Variants in AGBL3 observed in about 807,000 individuals in gnomAD.
AGBL3 encodes cytosolic carboxypeptidase 3.
AGBL3 carries 68 observed loss-of-function variants against 94.5 expected under a neutral mutation model. The ratio of observed to expected loss-of-function variants is 0.72; its 90% confidence interval spans 0.59 to 0.88. The LOEUF is 0.88. AGBL3 is among the 40% of genes least tolerant of loss of function. The pLI is 0.00. For missense variants in AGBL3, 934 were observed against 1,103.8 expected, an observed-to-expected ratio of 0.85 and a Z score of 2.18; for synonymous variants, 354 against 370.7, an observed-to-expected ratio of 0.95 and a Z score of 0.52.
chr7:134,987,907 G>A lies in AGBL3; in HGVS notation c.-27G>A. 1 of 1,530,434 alleles carries A rather than the reference G, an allele frequency of 6.5e-7. No individual in the cohort carries two copies. The highest frequency in any genetic ancestry group is 8.8e-7 in the Non-Finnish European group (1 of 1,132,880). The allele number at this position is 1,530,434 out of a possible 1,614,324, so 94.8% of individuals were successfully genotyped here. On this transcript the variant is annotated 5_prime_UTR_variant, in exon 2 of 17. Coordinates refer to ENST00000436302, the MANE Select transcript of AGBL3 (RefSeq NM_178563.4). Reference sequence around the variant, plus strand: ...TTTACAGCCTACCCGTATATTACAAGAAATCTCAAGTCAAACACTGGAAAA... The same window carrying A: ...TTTACAGCCTACCCGTATATTACAAAAAATCTCAAGTCAAACACTGGAAAA...
At chr7:135,006,451 G>A (rs1294439251) in intron 4 of AGBL3, among the ~76,000 whole-genome samples, 2 of 151,858 alleles carry the variant, frequency 1.3e-5, no homozygotes, top group Non-Finnish European at 3.0e-5. Context: ...ACTAGCAGTG[G>A]AAATTTGGAG....
chr7:135,016,148 T>TA (rs1177726721), intron 4 of AGBL3, among the ~76,000 whole-genome samples: 1 of 152,194 alleles, frequency 6.6e-6, no homozygotes, highest in African/African-American at 2.4e-5. Context: ...AATTTTGACT[T>TA]AAGTTGGTTA....
chr7:135,032,489 G>A (rs906361712), intron 5 of AGBL3, among the ~76,000 whole-genome samples: 1 of 92,094 alleles, frequency 1.1e-5, no homozygotes, highest in Non-Finnish European at 2.4e-5. Context: ...TTTTTTTTTT[G>A]TATTTTTAGT....
chr7:134,999,939 C>T (rs1811502456), intron 4 of AGBL3, among the ~76,000 whole-genome samples: 1 of 152,224 alleles, frequency 6.6e-6, no homozygotes, highest in Non-Finnish European at 1.5e-5. Context: ...TAGTAGCTCT[C>T]TTTCAATAGA....
chr7:135,036,926 C>CT (rs143901673), intron 7 of AGBL3, among the ~76,000 whole-genome samples: 28 of 150,818 alleles, frequency 1.9e-4, no homozygotes, highest in East Asian at 1.9e-4. Flanking sequence ...TGCATGCAGA[C>CT]TTTTTTTTTA....
At chr7:135,014,496 A>G (rs1474263972) in intron 4 of AGBL3, among the ~76,000 whole-genome samples, 4 of 152,362 alleles carry the variant, frequency 2.6e-5, no homozygotes, top group Non-Finnish European at 5.9e-5. Flanking sequence ...AGAACAGATA[A>G]CAAGAAGTCT....
intron 4 of AGBL3, among the ~76,000 whole-genome samples, chr7:134,997,895 TCTC>T (rs1811209954): frequency 6.6e-6 from 1 of 152,210 alleles, no homozygotes; most frequent in African/African-American, 2.4e-5. Context: ...AGTATAATTA[TCTC>T]CTATTTTAAT....
chr7:135,047,095 G>C (rs906125170), intron 11 of AGBL3, among the ~76,000 whole-genome samples: 69 of 151,894 alleles, frequency 4.5e-4, no homozygotes, highest in African/African-American at 1.4e-3. Flanking sequence ...ACCACCATTT[G>C]ACTTTTATTT....
chr7:134,993,342 CT>C (rs1810545013), intron 3 of AGBL3, 150 bp from the exon 4 acceptor site: 1 of 604,140 alleles, frequency 1.7e-6, no homozygotes, highest in Non-Finnish European at 2.5e-6. Context: ...TTCATTAGTA[CT>C]TTTATAAACA....
At chr7:135,000,913 A>G (rs1249398979) in intron 4 of AGBL3, among the ~76,000 whole-genome samples, 2 of 152,164 alleles carry the variant, frequency 1.3e-5, no homozygotes, top group Non-Finnish European at 2.9e-5. Context: ...CTAACACGTC[A>G]TTGATTAAAG....
intron 4 of AGBL3, among the ~76,000 whole-genome samples, chr7:134,994,485 C>G (rs1193648339): frequency 6.6e-6 from 1 of 150,628 alleles, no homozygotes; most frequent in East Asian, 1.9e-4. Flanking sequence ...ACAGGCATGA[C>G]AGAAACATCC....
chr7:135,100,358 C>G (rs1255249781), intron 15 of AGBL3, among the ~76,000 whole-genome samples: 1 of 152,138 alleles, frequency 6.6e-6, no homozygotes, highest in African/African-American at 2.4e-5. Flanking sequence ...TCAAATATAA[C>G]AGACAAACTT....
intron 5 of AGBL3, among the ~76,000 whole-genome samples, chr7:135,030,158 T>TAAAAAAAA (rs74392929): frequency 8.5e-6 from 1 of 117,424 alleles, no homozygotes; most frequent in African/African-American, 3.1e-5. Flanking sequence ...TTTAATTTGT[T>TAAAAAAAA]AAAAAAAAAA....
At position 135,036,989 on chromosome 7, in the gene AGBL3, C is replaced by T. The variant is rs531289702; in HGVS notation, c.1338-429C>T. 1.3e-3 allele frequency among the ~76,000 whole-genome samples: 193 copies of T among 151,864 alleles called. 2 individuals carry two copies. Among genetic ancestry groups the T allele is most frequent in the African/African-American group, 4.4e-3 (184 of 41,440 alleles). Reference sequence around the variant, plus strand: ...TGGAGTGCAGTAGTAATGCTGTCTTCGCTCACTGCAACCTCTGCCTCCTGG... The same window carrying T: ...TGGAGTGCAGTAGTAATGCTGTCTTTGCTCACTGCAACCTCTGCCTCCTGG... On this transcript the variant is annotated intron_variant, in intron 7 of 16. Transcript: ENST00000436302.
At chr7:135,025,069 T>C (rs1353689624) in intron 5 of AGBL3, among the ~76,000 whole-genome samples, 2 of 151,518 alleles carry the variant, frequency 1.3e-5, no homozygotes, top group Non-Finnish European at 2.9e-5. Flanking sequence ...TTCACAAAAA[T>C]TTCCCCAATC....
chr7:135,026,447 G>A (rs1035054408), intron 5 of AGBL3, among the ~76,000 whole-genome samples: 4 of 150,810 alleles, frequency 2.7e-5, no homozygotes, highest in Non-Finnish European at 5.9e-5. Flanking sequence ...CCCAATTTTT[G>A]TATTTTTAGT....
intron 15 of AGBL3, among the ~76,000 whole-genome samples, chr7:135,091,224 C>A (rs750469133): frequency 4.6e-5 from 7 of 152,140 alleles, no homozygotes; most frequent in Non-Finnish European, 8.8e-5. Flanking sequence ...TCTGCACTCA[C>A]CAGGGTTTCT....
chr7:135,085,299 C>A (rs1162787430), intron 15 of AGBL3, among the ~76,000 whole-genome samples: 1 of 152,088 alleles, frequency 6.6e-6, no homozygotes, highest in Non-Finnish European at 1.5e-5. Context: ...TGCAGGTTAT[C>A]TCTTGATTAT....
At chr7:135,126,671 A>G (rs1827915919) in intron 16 of AGBL3, among the ~76,000 whole-genome samples, 1 of 151,376 alleles carries the variant, frequency 6.6e-6, no homozygotes, top group Non-Finnish European at 1.5e-5. Context: ...CAAAACAGAT[A>G]TATAGACCAA....
Sources: allele counts gnomAD v4.1 joint callset (sites outside exome capture counted in the v4.1 genomes callset), GRCh38; gene constraint gnomAD v4.1.1; transcripts MANE v1.5; gene names NCBI Gene and HGNC (gene_info 2026-07-23, HGNC 2026-07-21).